GABRB3: variants seen among roughly 807,000 people sequenced by gnomAD.
The protein encoded by GABRB3 is gamma-aminobutyric acid type A receptor subunit beta3, also known as gamma-aminobutyric acid receptor subunit beta-3.
A neutral mutation model predicts 52.1 loss-of-function variants in GABRB3; 14 were observed. That is an observed-to-expected ratio of 0.27 (90% CI 0.18 to 0.42). The LOEUF is 0.42. Ranked by LOEUF, GABRB3 falls within the 10% of genes least tolerant of loss-of-function variation. The pLI is 1.00. For missense variants in GABRB3, 307 were observed against 609.1 expected, an observed-to-expected ratio of 0.50 and a Z score of 5.22; for synonymous variants, 260 against 232.3, an observed-to-expected ratio of 1.12 and a Z score of -1.08.
intron 4 of GABRB3, among the ~76,000 whole-genome samples, chr15:26,604,484 A>G (rs34661562): frequency 0.32 from 48,809 of 152,140 alleles, 9,329 homozygotes; most frequent in Middle Eastern, 0.47. Context: ...AAGGAACAAA[A>G]TTGGAGAAAT....
At chr15:26,672,325 C>G (rs755327874) in intron 3 of GABRB3, among the ~76,000 whole-genome samples, 1 of 152,170 alleles carries the variant, frequency 6.6e-6, no homozygotes, top group Non-Finnish European at 1.5e-5. Flanking sequence ...ACTGTTATCA[C>G]AAGAGAGCAG....
intron 3 of GABRB3, among the ~76,000 whole-genome samples, chr15:26,672,734 G>A (rs1230350664): frequency 2.0e-5 from 3 of 152,130 alleles, no homozygotes; most frequent in Admixed American, 2.0e-4. Context: ...ACAAATTAAA[G>A]TTTTGATGAT....
At chr15:26,712,556 G>A (rs894889344) in intron 3 of GABRB3, among the ~76,000 whole-genome samples, 1 of 152,138 alleles carries the variant, frequency 6.6e-6, no homozygotes, top group African/African-American at 2.4e-5. Flanking sequence ...TGGGGAAGCC[G>A]AGAGCCCGTG....
rs146392083 is a variant in GABRB3 at position 26,770,971 on chromosome 15, T to C, written c.240+1431A>G. ...TGTTCCTTGCTAACACTTTTACTGA[T>C]ACAATATTTGACTTACAAATGTCCT... On this transcript the variant is annotated intron_variant, in intron 3 of 8. Coordinates refer to ENST00000311550, the MANE Select transcript of GABRB3 (RefSeq NM_000814.6). Among the ~76,000 whole-genome samples, 303 of 152,350 alleles carry C rather than the reference T, an allele frequency of 2.0e-3. 1 individual carries two copies. Among genetic ancestry groups the C allele is most frequent in the African/African-American group, 6.4e-3 (266 of 41,584 alleles).
At chr15:26,766,517 T>C (rs1442104744) in intron 3 of GABRB3, among the ~76,000 whole-genome samples, 2 of 152,220 alleles carry the variant, frequency 1.3e-5, no homozygotes, top group Non-Finnish European at 2.9e-5. Context: ...ATCTACTCCA[T>C]TCTTCATTTA....
In GABRB3 at chr15:26,548,150, A is replaced by G; in HGVS notation, c.1081-16T>C. 1 of 1,601,554 alleles carries G rather than the reference A, an allele frequency of 6.2e-7. No homozygotes were observed. Among genetic ancestry groups the G allele is most frequent in the Non-Finnish European group, 8.6e-7 (1 of 1,168,714 alleles). On this transcript the variant is annotated splice_polypyrimidine_tract_variant and intron_variant, in intron 8 of 8. Coordinates refer to ENST00000311550, the MANE Select transcript of GABRB3 (RefSeq NM_000814.6). ...GAGCATCCACCTAATTGGACGGAAA[A>G]TGCACATGGTTAGACAGCCAGCAGC...
intron 4 of GABRB3, among the ~76,000 whole-genome samples, chr15:26,592,411 T>G (rs898253581): frequency 6.6e-6 from 1 of 152,138 alleles, no homozygotes; most frequent in African/African-American, 2.4e-5. Flanking sequence ...ACATTCTGAA[T>G]AGAAGAAGAG....
chr15:26,568,684 G>GTGTTTTTTTTTTTT (rs373552704), intron 6 of GABRB3, among the ~76,000 whole-genome samples: 22 of 133,724 alleles, frequency 1.6e-4, no homozygotes, highest in African/African-American at 4.5e-4. Context: ...TTTTTTTTTG[G>GTGTTTTTTTTTTTT]TTTTGTATGT....
chr15:26,611,630 A>G (rs991278375), intron 4 of GABRB3, among the ~76,000 whole-genome samples: 1 of 152,212 alleles, frequency 6.6e-6, no homozygotes, highest in African/African-American at 2.4e-5. Flanking sequence ...GTATGAAAAA[A>G]CAGAAAGTCC....
intron 4 of GABRB3, among the ~76,000 whole-genome samples, chr15:26,602,791 TGTAA>T: frequency 6.6e-6 from 1 of 152,166 alleles, no homozygotes; most frequent in Non-Finnish European, 1.5e-5. Context: ...AATTTATAGC[TGTAA>T]GTGTCTACAT....
rs544472041 is a variant in GABRB3 at position 26,757,488 on chromosome 15, G to C, written c.240+14914C>G. 9.2e-5 allele frequency among the ~76,000 whole-genome samples: 14 copies of C among 152,282 alleles called. No individual in the cohort carries two copies. The East Asian group carries it at 2.5e-3, about 27-fold the overall frequency. On this transcript the variant is annotated intron_variant, in intron 3 of 8. Transcript: ENST00000311550. Reference sequence around the variant, plus strand: ...AAGTCAAACTTGCAAAGCTTGAACGGGGGCACTAAAAAAGTGGAAAATCCC... The same window carrying C: ...AAGTCAAACTTGCAAAGCTTGAACGCGGGCACTAAAAAAGTGGAAAATCCC...
chr15:26,632,891 T>A (rs1892949233), intron 3 of GABRB3, among the ~76,000 whole-genome samples: 1 of 152,166 alleles, frequency 6.6e-6, no homozygotes, highest in African/African-American at 2.4e-5. Flanking sequence ...ATTTGGAAAA[T>A]TGTACTTTCT....
intron 3 of GABRB3, among the ~76,000 whole-genome samples, chr15:26,661,222 A>G (rs1887532060): frequency 6.6e-6 from 1 of 152,202 alleles, no homozygotes; most frequent in African/African-American, 2.4e-5. Context: ...TTCTCAACTG[A>G]ATTCTCAACA....
chr15:26,773,613 G>A, upstream of GABRB3: 3 of 1,526,932 alleles, frequency 2.0e-6, no homozygotes, highest in Non-Finnish European at 2.7e-6. Context: ...TCCCGACGGT[G>A]CCTGCAGAAC....
At chr15:26,599,313 G>C (rs1891502682) in intron 4 of GABRB3, among the ~76,000 whole-genome samples, 1 of 152,162 alleles carries the variant, frequency 6.6e-6, no homozygotes, top group African/African-American at 2.4e-5. Flanking sequence ...AGCTTGAGCT[G>C]GGAGGTCAAA....
intron 3 of GABRB3, among the ~76,000 whole-genome samples, chr15:26,678,297 C>G (rs1318287041): frequency 6.6e-6 from 1 of 152,206 alleles, no homozygotes; most frequent in Admixed American, 6.5e-5. Flanking sequence ...AGGCTGCTGA[C>G]AATTTCTTAT....
rs909457672 is a variant in GABRB3 at position 26,758,533 on chromosome 15, G to A, written c.240+13869C>T. 8.5e-5 allele frequency among the ~76,000 whole-genome samples: 13 copies of A among 152,214 alleles called. No individual in the cohort carries two copies. In the East Asian group the frequency reaches 2.5e-3, roughly 29 times the overall value. On this transcript the variant is annotated intron_variant, in intron 3 of 8. Transcript: ENST00000311550. ...GCCATCACTGCTTATCTCCTAAGGAGAGGTAAATGTCATTCAAGCAGGCAG... is the reference window on the plus strand; with the variant it reads ...GCCATCACTGCTTATCTCCTAAGGAAAGGTAAATGTCATTCAAGCAGGCAG...
intron 3 of GABRB3, among the ~76,000 whole-genome samples, chr15:26,709,353 C>T (rs1050974479): frequency 6.6e-6 from 1 of 152,032 alleles, no homozygotes; most frequent in Non-Finnish European, 1.5e-5. Context: ...CCCTACCTCC[C>T]CTCTCTTGTT....
chr15:26,675,180 G>C (rs1341042029), intron 3 of GABRB3, among the ~76,000 whole-genome samples: 1 of 152,160 alleles, frequency 6.6e-6, no homozygotes, highest in African/African-American at 2.4e-5. Flanking sequence ...TCATAGCACT[G>C]CTATTTCTTT....
Sources: allele counts gnomAD v4.1 joint callset (sites outside exome capture counted in the v4.1 genomes callset), GRCh38; gene constraint gnomAD v4.1.1; transcripts MANE v1.5; gene names NCBI Gene and HGNC (gene_info 2026-07-23, HGNC 2026-07-21).